The following WSB1 variants were observed in gnomAD, a reference collection of about 807,000 sequenced individuals.
WSB1 encodes the protein WD repeat and SOCS box-containing protein 1.
In WSB1, 23 loss-of-function variants were observed where a neutral mutation model predicts 50.2. That is an observed-to-expected ratio of 0.46 (90% CI 0.33 to 0.65). The LOEUF (loss-of-function observed/expected upper bound fraction) is 0.65. Among genes scored for constraint, WSB1 ranks in the 30% least tolerant of loss-of-function variants. WSB1 has a pLI of 0.02. For missense variants in WSB1, 492 were observed against 522.3 expected (o/e 0.94, Z 0.56); for synonymous variants, 179 against 172.0 (o/e 1.04, Z -0.32).
chr17:27,305,439 C>T (rs1373224690), intron 4 of WSB1, among the ~76,000 whole-genome samples: 2 of 152,188 alleles, frequency 1.3e-5, no homozygotes, highest in Non-Finnish European at 2.9e-5. Flanking sequence ...TAGAAAGATA[C>T]GTTGGTGTCA....
chr17:27,305,441 T>A (rs2017409361), intron 4 of WSB1, among the ~76,000 whole-genome samples: 2 of 152,210 alleles, frequency 1.3e-5, no homozygotes, highest in Non-Finnish European at 2.9e-5. Context: ...GAAAGATACG[T>A]TGGTGTCAAG....
At position 27,312,574 on chromosome 17, in the gene WSB1, T is replaced by A; in HGVS notation, c.*205T>A. 3.2e-6 allele frequency: 2 copies of A among 629,684 alleles called. No individual in the cohort carries two copies. The highest frequency in any genetic ancestry group is 3.4e-5 in the East Asian group (1 of 29,508). The allele number at this position is 629,684 out of a possible 1,614,324, so 39.0% of individuals were successfully genotyped here. On this transcript the variant is annotated 3_prime_UTR_variant, in exon 9 of 9. Transcript: ENST00000262394. ...TTTCTGAACATATCAAATATAAATT[T>A]TTTTAAAGATCTAACTGTGAAAACA...
rs1202321443 is a variant in WSB1 at position 27,306,787 on chromosome 17, A to G, written c.616A>G (p.Met206Val). 6.2e-7 allele frequency: 1 copy of G among 1,614,116 alleles called. No individual in the cohort carries two copies. The highest frequency in any genetic ancestry group is 2.2e-5 in the East Asian group (1 of 44,882). Residue 206 changes from methionine to valine, a missense_variant, in exon 5 of 9, where the codon ATG becomes GTG. Transcript: ENST00000262394. ...RVWDLKDDGN[M>V]MKVLRGHQNW... is the part of the protein sequence containing the mutation. ...GATTATTTCTTTTTGTTCAGGAAAC[A>G]TGATGAAAGTATTGAGGGGGCATCA...
chr17:27,303,202 A>G, intron 2 of WSB1, 165 bp from the exon 3 acceptor site: 1 of 706,722 alleles, frequency 1.4e-6, no homozygotes, highest in Non-Finnish European at 2.2e-6. Flanking sequence ...CTTCTCTCGT[A>G]GTTCAAATAT....
chr17:27,307,814 A>G, intron 5 of WSB1: 1 of 1,521,360 alleles, frequency 6.6e-7, no homozygotes, highest in Non-Finnish European at 8.8e-7. Context: ...CAATGGTGTT[A>G]GCTGGGCAGA....
chr17:27,294,854 A>G (rs1218867829), intron 1 of WSB1, among the ~76,000 whole-genome samples: 1 of 152,180 alleles, frequency 6.6e-6, no homozygotes, highest in Non-Finnish European at 1.5e-5. Flanking sequence ...GTGTGTACCA[A>G]CCACTCTTAG....
chr17:27,307,665 A>T, intron 5 of WSB1: 1 of 1,429,450 alleles, frequency 7.0e-7, no homozygotes, highest in Non-Finnish European at 9.4e-7. Context: ...TACAAATCAT[A>T]AGAAGAACAA....
intron 6 of WSB1, among the ~76,000 whole-genome samples, chr17:27,309,801 T>C (rs566970566): frequency 6.6e-6 from 1 of 152,282 alleles, no homozygotes; most frequent in South Asian, 2.1e-4. Context: ...CAGGCTGGTC[T>C]CAATCTCTTG....
At chr17:27,304,072 T>A (rs533203333) in intron 3 of WSB1, among the ~76,000 whole-genome samples, 3 of 152,244 alleles carry the variant, frequency 2.0e-5, no homozygotes, top group Non-Finnish European at 4.4e-5. Flanking sequence ...TTAAATTCTT[T>A]GGGCAACTAG....
chr17:27,315,821 A>G lies in WSB1; in HGVS notation c.*3452A>G, dbSNP rs2017817862. On this transcript the variant is annotated 3_prime_UTR_variant, in exon 9 of 9. Coordinates refer to ENST00000262394, the MANE Select transcript of WSB1 (RefSeq NM_015626.10). Reference sequence around the variant, plus strand: ...TACTATCATTTGGTGATAAAAGCATAGAAAAAGCATAAGTTGGAGTATACT... The same window carrying G: ...TACTATCATTTGGTGATAAAAGCATGGAAAAAGCATAAGTTGGAGTATACT... 1 of 152,266 alleles carries G rather than the reference A, an allele frequency of 6.6e-6. No homozygotes were observed. Among genetic ancestry groups the G allele is most frequent in the South Asian group, 2.1e-4 (1 of 4,838 alleles). 9.4% of individuals were successfully genotyped at this position (152,266 alleles called of 1,614,324 possible).
Position 27,294,265 on chromosome 17 carries a change from C to G in WSB1, c.-131C>G. 7.8e-7 allele frequency: 1 copy of G among 1,285,058 alleles called. No individual in the cohort carries two copies. Among genetic ancestry groups the G allele is most frequent in the Non-Finnish European group, 1.1e-6 (1 of 934,872 alleles). 79.6% of individuals were successfully genotyped at this position (1,285,058 alleles called of 1,614,324 possible). On this transcript the variant is annotated 5_prime_UTR_variant, in exon 1 of 9. Transcript: ENST00000262394. Reference sequence around the variant, plus strand: ...GGCAGTTAGCAGAAGCCGCAGCGGCCGCCCCCGCCCGTCTCCTCTGTCCCT... The same window carrying G: ...GGCAGTTAGCAGAAGCCGCAGCGGCGGCCCCCGCCCGTCTCCTCTGTCCCT...
intron 4 of WSB1, among the ~76,000 whole-genome samples, chr17:27,305,751 C>A (rs917261516): frequency 6.6e-6 from 1 of 152,160 alleles, no homozygotes; most frequent in African/African-American, 2.4e-5. Context: ...TCATGAAGGA[C>A]CTTCTCTGTG....
At chr17:27,311,040 AG>A (rs2017659609) in intron 7 of WSB1, among the ~76,000 whole-genome samples, 1 of 152,040 alleles carries the variant, frequency 6.6e-6, no homozygotes, top group Admixed American at 6.6e-5. Context: ...TTGTAGAGAC[AG>A]GGTCTCCCTA....
In WSB1 at chr17:27,312,978, T is replaced by C. The variant is rs1597773853; in HGVS notation, c.*609T>C. On this transcript the variant is annotated 3_prime_UTR_variant, in exon 9 of 9. Coordinates refer to ENST00000262394, the MANE Select transcript of WSB1 (RefSeq NM_015626.10). ...ATTGCTTGAACCCAGGAGGTGGAGGTTGCAGTAAGCCAAGATCACACCACT... is the reference window on the plus strand; with the variant it reads ...ATTGCTTGAACCCAGGAGGTGGAGGCTGCAGTAAGCCAAGATCACACCACT... The C allele has an allele frequency of 6.6e-6, 1 of 151,646 alleles. No individual in the cohort carries two copies. The highest frequency in any genetic ancestry group is 1.5e-5 in the Non-Finnish European group (1 of 68,118). The allele number at this position is 151,646 out of a possible 1,614,324, so 9.4% of individuals were successfully genotyped here.
intron 5 of WSB1, chr17:27,307,352 A>G (rs1597765459): frequency 4.4e-6 from 1 of 226,774 alleles, no homozygotes; most frequent in East Asian, 1.2e-4. Context: ...GTGAAATTTG[A>G]TATTGTTTGT....
chr17:27,309,944 A>T, intron 6 of WSB1, 117 bp from the exon 7 acceptor site: 1 of 735,912 alleles, frequency 1.4e-6, no homozygotes, highest in Non-Finnish European at 2.3e-6. Context: ...GAGTCTTCTC[A>T]GTTATATTAA....
rs1029070124 is a variant in WSB1, at chr17:27,313,285, A to G, written c.*916A>G. 6.6e-6 allele frequency: 1 copy of G among 151,290 alleles called. No individual in the cohort carries two copies. The highest frequency in any genetic ancestry group is 1.5e-5 in the Non-Finnish European group (1 of 67,752). The allele number at this position is 151,290 out of a possible 1,614,324, so 9.4% of individuals were successfully genotyped here. On this transcript the variant is annotated 3_prime_UTR_variant, in exon 9 of 9. Coordinates refer to ENST00000262394, the MANE Select transcript of WSB1 (RefSeq NM_015626.10). ...TTTTTTTTTTACTCCCCCTCTAAACACTGCTGCTGCCTTAATTTTAGAAAG... is the reference window on the plus strand; with the variant it reads ...TTTTTTTTTTACTCCCCCTCTAAACGCTGCTGCTGCCTTAATTTTAGAAAG...
chr17:27,294,553 C>G (rs531043195), intron 1 of WSB1, 118 bp downstream of exon 1: 121 of 1,433,212 alleles, frequency 8.4e-5, no homozygotes, highest in Non-Finnish European at 1.1e-4. Flanking sequence ...GCGCCAGGGC[C>G]AGCCCACTAG....
Position 27,303,684 on chromosome 17 carries a change from G to T in WSB1, c.478+49G>T, listed in dbSNP as rs762000125. 7 of 1,589,800 alleles carry T rather than the reference G, an allele frequency of 4.4e-6. No homozygotes were observed. The African/African-American group carries it at 9.4e-5, about 21-fold the overall frequency. On this transcript the variant is annotated intron_variant, in intron 3 of 8. Coordinates refer to ENST00000262394, the MANE Select transcript of WSB1 (RefSeq NM_015626.10). ...CAAATGTATTATTTTATGATGCAGG[G>T]CACTGCTTATAGGCACTGGAATTGG...
Sources: allele counts gnomAD v4.1 joint callset (sites outside exome capture counted in the v4.1 genomes callset), GRCh38; gene constraint gnomAD v4.1.1; transcripts MANE v1.5; gene names NCBI Gene and HGNC (gene_info 2026-07-23, HGNC 2026-07-21).